RBKS: variants seen among roughly 807,000 people sequenced by gnomAD.
RBKS encodes ribokinase.
In RBKS, 33 loss-of-function variants were observed where a neutral mutation model predicts 33.9. The ratio of observed to expected loss-of-function variants is 0.97; its 90% CI spans 0.74 to 1.30. The LOEUF (loss-of-function observed/expected upper bound fraction) is 1.30, where lower values mean the gene tolerates loss of function less well. Ranked by LOEUF, RBKS falls within the 50% of genes most tolerant of loss-of-function variation. The pLI is 0.00. For synonymous variants in RBKS, 125 were observed against 143.0 expected (o/e 0.87, Z 0.90); for missense variants, 361 against 392.6 (o/e 0.92, Z 0.68).
chr2:27,828,541 T>C (rs1315518841), intron 6 of RBKS, among the ~76,000 whole-genome samples: 4 of 152,182 alleles, frequency 2.6e-5, no homozygotes, highest in Admixed American at 6.5e-5. Flanking sequence ...GGAGAGGTAA[T>C]GACAGGTAGC....
rs1161206494 is a variant in RBKS at position 27,783,975 on chromosome 2, C to CTTTTT, written c.796-2192_796-2188dup. Among the ~76,000 whole-genome samples, 80 of 55,312 alleles carry CTTTTT rather than the reference C, an allele frequency of 1.4e-3. 19 individuals are homozygous for CTTTTT. Among genetic ancestry groups the CTTTTT allele is most frequent in the African/African-American group, 4.9e-3 (79 of 16,134 alleles). 36.3% of individuals were successfully genotyped at this position (55,312 alleles called of 152,430 possible). ...ATTCAACAGCTCTCAGGGTCATTTT[C>CTTTTT]TTTTTTTTTTTTTTTTTTTTTTTTT... On this transcript the variant is annotated intron_variant, in intron 7 of 7. Transcript: ENST00000302188.
intron 6 of RBKS, among the ~76,000 whole-genome samples, chr2:27,829,906 C>T (rs1403987520): frequency 6.6e-6 from 1 of 152,126 alleles, no homozygotes; most frequent in Admixed American, 6.5e-5. Context: ...GGTTCCTCCC[C>T]CTTTCACTGT....
intron 7 of RBKS, among the ~76,000 whole-genome samples, chr2:27,825,458 A>G (rs1334685857): frequency 6.6e-6 from 1 of 152,240 alleles, no homozygotes; most frequent in Non-Finnish European, 1.5e-5. Flanking sequence ...CCTATGTACC[A>G]ATTAATAGTT....
chr2:27,870,774 A>T (rs1170811718), intron 1 of RBKS: 2 of 464,790 alleles, frequency 4.3e-6, no homozygotes, highest in Non-Finnish European at 8.8e-6. Flanking sequence ...ATATACTCAC[A>T]CAAAATGACC....
intron 2 of RBKS, among the ~76,000 whole-genome samples, chr2:27,848,507 A>G (rs1663667513): frequency 6.6e-6 from 1 of 152,160 alleles, no homozygotes; most frequent in South Asian, 2.1e-4. Flanking sequence ...TTCTCCCTTG[A>G]CACTGACACA....
chr2:27,814,129 G>A (rs1236395906), intron 7 of RBKS, among the ~76,000 whole-genome samples: 1 of 152,130 alleles, frequency 6.6e-6, no homozygotes, highest in Non-Finnish European at 1.5e-5. Flanking sequence ...GCTAAGGTGG[G>A]AGGATGGCTT....
intron 1 of RBKS, among the ~76,000 whole-genome samples, chr2:27,872,904 A>G (rs1341168785): frequency 4.6e-5 from 7 of 152,164 alleles, no homozygotes. Context: ...ATGGATGCAG[A>G]GGGGTAAAGG....
At chr2:27,784,182 A>G (rs1424071318) in intron 7 of RBKS, among the ~76,000 whole-genome samples, 3 of 150,574 alleles carry the variant, frequency 2.0e-5, no homozygotes, top group African/African-American at 4.9e-5. Context: ...ACGGGGTTTC[A>G]CCGTTTTAGC....
At chr2:27,858,608 G>C (rs1344128749) in intron 1 of RBKS, 37 bp from the exon 2 acceptor site, 1 of 1,589,164 alleles carries the variant, frequency 6.3e-7, no homozygotes, top group East Asian at 2.2e-5. Flanking sequence ...AAAGCATATT[G>C]GTAACTGTAA....
chr2:27,829,901 C>T (rs1678387894), intron 6 of RBKS, among the ~76,000 whole-genome samples: 1 of 152,140 alleles, frequency 6.6e-6, no homozygotes. Flanking sequence ...TAGCAGGTTC[C>T]TCCCCCTTTC....
chr2:27,878,485 A>C (rs1171675787), intron 1 of RBKS, among the ~76,000 whole-genome samples: 1 of 152,208 alleles, frequency 6.6e-6, no homozygotes, highest in African/African-American at 2.4e-5. Flanking sequence ...GTACCGCAAT[A>C]AACATAAGTG....
intron 7 of RBKS, among the ~76,000 whole-genome samples, chr2:27,804,212 CTT>C (rs1318773783): frequency 6.6e-6 from 1 of 152,134 alleles, no homozygotes; most frequent in Admixed American, 6.6e-5. Flanking sequence ...AAAAAAACAA[CTT>C]TGAGATATAA....
chr2:27,849,253 G>A (rs1663685795), intron 2 of RBKS, among the ~76,000 whole-genome samples: 2 of 151,964 alleles, frequency 1.3e-5, no homozygotes, highest in South Asian at 2.1e-4. Context: ...TCTATTGTCT[G>A]TTATTAACAA....
chr2:27,800,340 A>G (rs1451656783), intron 7 of RBKS, among the ~76,000 whole-genome samples: 3 of 152,184 alleles, frequency 2.0e-5, no homozygotes, highest in Non-Finnish European at 2.9e-5. Context: ...ACAATGCAGT[A>G]AATGGTTTGG....
At chr2:27,809,045 T>C (rs1343704925) in intron 7 of RBKS, among the ~76,000 whole-genome samples, 3 of 152,272 alleles carry the variant, frequency 2.0e-5, no homozygotes, top group Non-Finnish European at 4.4e-5. Flanking sequence ...ATGTAAAAAT[T>C]GTCCCTGAGT....
chr2:27,787,247 C>T (rs534536324), intron 7 of RBKS, among the ~76,000 whole-genome samples: 4 of 152,196 alleles, frequency 2.6e-5, no homozygotes, highest in South Asian at 2.1e-4. Context: ...GCCTGGGCAA[C>T]GTCGTGAAGC....
intron 7 of RBKS, among the ~76,000 whole-genome samples, chr2:27,820,613 TG>T (rs1678184431): frequency 6.6e-6 from 1 of 152,098 alleles, no homozygotes; most frequent in Non-Finnish European, 1.5e-5. Context: ...GGTCTTGCTA[TG>T]TTGCCCAGGC....
At chr2:27,845,966 A>AT (rs530014294) in intron 4 of RBKS, among the ~76,000 whole-genome samples, 2,182 of 145,180 alleles carry the variant, frequency 0.015, 26 homozygotes, top group Middle Eastern at 0.036. Flanking sequence ...GGTTGTTACC[A>AT]TTTTTTTTTT....
intron 1 of RBKS, among the ~76,000 whole-genome samples, chr2:27,888,290 G>A (rs748362361): frequency 5.9e-5 from 9 of 152,046 alleles, no homozygotes; most frequent in Non-Finnish European, 1.2e-4. Context: ...ACCATGCCCA[G>A]CTAATTTTTG....
Sources: gnomAD v4.1 joint callset for allele counts (sites outside exome capture counted in the v4.1 genomes callset) on GRCh38, gnomAD v4.1.1 for gene constraint, MANE v1.5 for transcripts, NCBI Gene and HGNC (gene_info 2026-07-23, HGNC 2026-07-21) for gene names.